P2RX5: variants seen among roughly 807,000 people sequenced by gnomAD.
P2RX5 encodes the protein P2X purinoceptor 5.
A neutral mutation model predicts 54.1 loss-of-function variants in P2RX5; 46 were observed. That is an observed-to-expected ratio of 0.85 (90% CI 0.67 to 1.09). The LOEUF (loss-of-function observed/expected upper bound fraction) is 1.09. Among genes scored for constraint, P2RX5 ranks in the 50% least tolerant of loss-of-function variants. P2RX5 has a pLI of 0.00. For synonymous variants in P2RX5, 226 were observed against 226.4 expected, an observed-to-expected ratio of 1.00 and a Z score of 0.02; for missense variants, 566 against 549.8, an observed-to-expected ratio of 1.03 and a Z score of -0.29.
Position 3,688,766 on chromosome 17 carries a change from AAAAG to A in P2RX5, c.754-11_754-8del. The A allele has an allele frequency of 6.2e-7, 1 of 1,613,992 alleles. No homozygotes were observed. Among genetic ancestry groups the A allele is most frequent in the Non-Finnish European group, 8.5e-7 (1 of 1,179,932 alleles). ...TAATTCCTATCACGCCACCCTTGATAAAAGAGAGATGAGGGTCAGCACACACAGC... is the reference window on the plus strand; with the variant it reads ...TAATTCCTATCACGCCACCCTTGATAAGAGATGAGGGTCAGCACACACAGC... On this transcript the variant is annotated splice_polypyrimidine_tract_variant and splice_region_variant and intron_variant, in intron 7 of 11. Transcript: ENST00000225328.
the P2RX5 span, among the ~76,000 whole-genome samples, chr17:3,713,255 G>GGAGGCT: frequency 6.6e-6 from 1 of 152,138 alleles, no homozygotes; most frequent in African/African-American, 2.4e-5. Flanking sequence ...CAGCTACGCA[G>GGAGGCT]GAGGCTGAGG....
chr17:3,691,863 G>A (rs1412688974), intron 1 of P2RX5, 69 bp from the exon 2 acceptor site: 1 of 1,550,036 alleles, frequency 6.5e-7, no homozygotes, highest in Admixed American at 1.7e-5. Flanking sequence ...CCCAGGCCTT[G>A]GGGTGGGGTA....
At chr17:3,722,160 T>C in the P2RX5 span, among the ~76,000 whole-genome samples, 1 of 134,076 alleles carries the variant, frequency 7.5e-6, no homozygotes, top group Admixed American at 8.1e-5. Flanking sequence ...AGAGCGAAAC[T>C]CCGTCTTGAA....
chr17:3,689,277 C>T (rs1567736575), intron 7 of P2RX5, among the ~76,000 whole-genome samples: 1 of 144,784 alleles, frequency 6.9e-6, no homozygotes, highest in Non-Finnish European at 1.5e-5. Flanking sequence ...ACACTGAGTC[C>T]CTGGGGGCAG....
At chr17:3,711,686 ATTAT>A in the P2RX5 span, among the ~76,000 whole-genome samples, 18 of 145,806 alleles carry the variant, frequency 1.2e-4, no homozygotes, top group Admixed American at 6.9e-4. Context: ...GCCCGGCCTC[ATTAT>A]TTATTTATTT....
chr17:3,720,301 A>C, the P2RX5 span: 1 of 1,465,596 alleles, frequency 6.8e-7, no homozygotes, highest in Non-Finnish European at 9.6e-7. Context: ...GCCAGCCAGG[A>C]ATTACCTTAG....
chr17:3,723,286 ACCT>A, the P2RX5 span: 2 of 1,600,852 alleles, frequency 1.2e-6, no homozygotes, highest in Non-Finnish European at 1.7e-6. Context: ...AGTCTCAAAC[ACCT>A]CCTCAGAGTG....
upstream of P2RX5, among the ~76,000 whole-genome samples, chr17:3,699,052 G>GACACAC (rs71379596): frequency 1.1e-3 from 45 of 40,890 alleles, no homozygotes; most frequent in African/African-American, 2.1e-3. Context: ...TATATAGACA[G>GACACAC]ACACACACAC....
At chr17:3,694,698 C>T (rs565105657) in intron 1 of P2RX5, among the ~76,000 whole-genome samples, 6 of 152,310 alleles carry the variant, frequency 3.9e-5, no homozygotes, top group South Asian at 4.2e-4. Context: ...ATTGTTCAAG[C>T]AAAAGCAACT....
chr17:3,716,704 A>G, the P2RX5 span: 1 of 1,596,896 alleles, frequency 6.3e-7, no homozygotes, highest in Non-Finnish European at 8.6e-7. Flanking sequence ...CAGGATGACC[A>G]GAATCACGAT....
the P2RX5 span, among the ~76,000 whole-genome samples, chr17:3,713,004 A>G: frequency 6.7e-6 from 1 of 149,264 alleles, no homozygotes; most frequent in Admixed American, 6.7e-5. Flanking sequence ...AAAACCACCA[A>G]CTGTTCTAAG....
At chr17:3,716,902 C>G in the P2RX5 span, 5 of 666,680 alleles carry the variant, frequency 7.5e-6, no homozygotes, top group African/African-American at 1.8e-5. Flanking sequence ...GGCAACAACC[C>G]GTGTATTGAT....
At chr17:3,679,548 C>T (rs745719877) in intron 11 of P2RX5, 42 bp downstream of exon 11, 8 of 1,587,358 alleles carry the variant, frequency 5.0e-6, no homozygotes, top group Admixed American at 5.0e-5. Flanking sequence ...CCCCTCTCTG[C>T]AGGACCCAGC....
chr17:3,699,253 G>A (rs2050799959), upstream of P2RX5, among the ~76,000 whole-genome samples: 1 of 152,032 alleles, frequency 6.6e-6, no homozygotes, highest in Admixed American at 6.6e-5. Context: ...AAATTAGCTG[G>A]ATGTGGTCGT....
At chr17:3,722,711 G>A in the P2RX5 span, among the ~76,000 whole-genome samples, 2 of 152,168 alleles carry the variant, frequency 1.3e-5, no homozygotes, top group African/African-American at 2.4e-5. Context: ...GAAGAATTAA[G>A]CAGAGACCAG....
intron 11 of P2RX5, chr17:3,675,643 C>T (rs1177941476): frequency 1.2e-6 from 1 of 855,320 alleles, no homozygotes; most frequent in Admixed American, 6.2e-5. Context: ...CCTCTGCCTC[C>T]CAGGTTCAAG....
the P2RX5 span, among the ~76,000 whole-genome samples, chr17:3,703,500 C>T: frequency 3.3e-5 from 5 of 152,042 alleles, no homozygotes; most frequent in East Asian, 9.7e-4. Context: ...TGCACTTCAG[C>T]CTGGGTGACA....
At position 3,681,892 on chromosome 17, in the gene P2RX5, T is replaced by G. The variant is rs758185364; in HGVS notation, c.1064+4A>C. ...CGGGCCGCCGGCCTGGAAGCGGAAC[T>G]GACCTCACTTCCTCGTACTTCTTGT... On this transcript the variant is annotated splice_donor_region_variant and intron_variant, in intron 10 of 11. Transcript: ENST00000225328. 1.6e-5 allele frequency: 25 copies of G among 1,607,296 alleles called. No homozygotes were observed. In the Admixed American group the frequency reaches 3.7e-4, roughly 24 times the overall value.
rs1171315619 is a variant in P2RX5 at position 3,690,483 on chromosome 17, G to C, written c.477C>G (p.Ala159=). 1 of 1,613,448 alleles carries C rather than the reference G, an allele frequency of 6.2e-7. No individual in the cohort carries two copies. The highest frequency in any genetic ancestry group is 1.7e-5 in the Admixed American group (1 of 59,996). ...AGGCAAAGATCTCACAGGTGCCCCT[G>C]GCCAAGTTCTCTCTCCGCAGGCAGC... ...TGRCLRRENL[A]RGTCEIFAWC... Residue 159 remains alanine, a synonymous_variant, in exon 5 of 12, where the codon GCC becomes GCG. Coordinates refer to ENST00000225328, the MANE Select transcript of P2RX5 (RefSeq NM_002561.4).
Sources: allele counts gnomAD v4.1 joint callset (sites outside exome capture counted in the v4.1 genomes callset), GRCh38; gene constraint gnomAD v4.1.1; transcripts MANE v1.5; gene names NCBI Gene and HGNC (gene_info 2026-07-23, HGNC 2026-07-21).